The following UNC5C variants were observed in gnomAD, a reference collection of about 807,000 sequenced individuals.
UNC5C encodes netrin receptor UNC5C.
Under a neutral mutation model 99.8 loss-of-function variants are expected in UNC5C, and 47 were observed. The ratio of observed to expected loss-of-function variants is 0.47; its 90% confidence interval spans 0.37 to 0.60. UNC5C has a LOEUF of 0.60. Among genes scored for constraint, UNC5C ranks in the 20% least tolerant of loss-of-function variants. The probability of loss-of-function intolerance (pLI) is 0.00; values close to 1 mark genes in which losing one functional copy is unlikely to be tolerated. For missense variants in UNC5C, 1,062 were observed against 1,165.9 expected, an observed-to-expected ratio of 0.91 and a Z score of 1.30; for synonymous variants, 487 against 452.2, an observed-to-expected ratio of 1.08 and a Z score of -0.98.
At chr4:95,248,445 A>G (rs1350361863) in intron 5 of UNC5C, 1 of 424,768 alleles carries the variant, frequency 2.4e-6, no homozygotes, top group Non-Finnish European at 4.6e-6. Context: ...TAAGATCGAT[A>G]CAGAATTATC....
chr4:95,273,215 T>G (rs1740723171), intron 4 of UNC5C, among the ~76,000 whole-genome samples: 1 of 152,240 alleles, frequency 6.6e-6, no homozygotes, highest in African/African-American at 2.4e-5. Context: ...TTGTGCCCTG[T>G]TCCTCCAATT....
chr4:95,292,270 T>A (rs1055964818), intron 3 of UNC5C, among the ~76,000 whole-genome samples: 10 of 142,202 alleles, frequency 7.0e-5, no homozygotes, highest in East Asian at 4.0e-4. Flanking sequence ...TATATATAAA[T>A]TTTTTTTGTT....
chr4:95,382,791 T>G (rs1745108257), intron 1 of UNC5C, among the ~76,000 whole-genome samples: 1 of 152,208 alleles, frequency 6.6e-6, no homozygotes, highest in African/African-American at 2.4e-5. Flanking sequence ...AATGCTTGGC[T>G]GAATGTAAAG....
rs1460262611 is a variant in UNC5C at position 95,205,527 on chromosome 4, T to C, written c.1902+1101A>G. ...GTCTACATCTAATACTATATTTTCT[T>C]AAAATATTAGGAGCTGGAATCTTCA... On this transcript the variant is annotated intron_variant, in intron 11 of 15. Transcript: ENST00000453304. Among the ~76,000 whole-genome samples the C allele has an allele frequency of 9.2e-5, 14 of 152,154 alleles. No homozygotes were observed. The East Asian group carries it at 2.7e-3, about 29-fold the overall frequency.
intron 1 of UNC5C, among the ~76,000 whole-genome samples, chr4:95,431,732 A>G (rs192181127): frequency 1.3e-5 from 2 of 152,226 alleles, no homozygotes; most frequent in East Asian, 3.9e-4. Flanking sequence ...GACCAGAGTT[A>G]AAGTGTGTGT....
chr4:95,424,646 C>T (rs1023784364), intron 1 of UNC5C, among the ~76,000 whole-genome samples: 4 of 150,880 alleles, frequency 2.7e-5, no homozygotes, highest in South Asian at 2.1e-4. Context: ...CTCAGCCTCC[C>T]GAGTAGCTGG....
intron 4 of UNC5C, among the ~76,000 whole-genome samples, chr4:95,253,537 C>A (rs1222712498): frequency 2.0e-5 from 3 of 152,110 alleles, no homozygotes; most frequent in African/African-American, 7.2e-5. Context: ...GTTTGACGAC[C>A]CCTGTGGGGG....
intron 1 of UNC5C, among the ~76,000 whole-genome samples, chr4:95,472,261 T>G (rs2149474794): frequency 6.6e-6 from 1 of 152,300 alleles, no homozygotes; most frequent in South Asian, 2.1e-4. Context: ...ATTCTTCTCA[T>G]GAAGGAGAAG....
At position 95,452,372 on chromosome 4, in the gene UNC5C, C is replaced by T. The variant is rs79707923; in HGVS notation, c.124+96362G>A. 9.4e-3 allele frequency among the ~76,000 whole-genome samples: 1,430 copies of T among 152,178 alleles called. 21 individuals carry two copies. The highest frequency in any genetic ancestry group is 0.033 in the African/African-American group (1,375 of 41,504). ...TTTTCAGCTGCACCTCTGTCACTTCCATTATCATTCTACACGTCCAGAGGT... is the reference window on the plus strand; with the variant it reads ...TTTTCAGCTGCACCTCTGTCACTTCTATTATCATTCTACACGTCCAGAGGT... On this transcript the variant is annotated intron_variant, in intron 1 of 15. Transcript: ENST00000453304.
intron 1 of UNC5C, among the ~76,000 whole-genome samples, chr4:95,528,379 T>G (rs2149492149): frequency 6.6e-6 from 1 of 152,272 alleles, no homozygotes. Context: ...CCTCCCTTCA[T>G]ACGGCCTTCA....
In UNC5C at chr4:95,500,558, A is replaced by T. The variant is rs190087226; in HGVS notation, c.124+48176T>A. On this transcript the variant is annotated intron_variant, in intron 1 of 15. Transcript: ENST00000453304. ...ACTTTTGTTTTGGCATCGAAATAAT[A>T]AAATCAGCACCCTTGATCCAAGGTT... is the stretch of plus-strand genomic sequence containing the variant. Among the ~76,000 whole-genome samples the T allele has an allele frequency of 2.6e-5, 4 of 152,268 alleles. No individual in the cohort carries two copies. In the East Asian group the frequency reaches 7.7e-4, roughly 29 times the overall value.
intron 1 of UNC5C, among the ~76,000 whole-genome samples, chr4:95,400,392 T>G (rs1745654612): frequency 7.5e-6 from 1 of 132,690 alleles, no homozygotes; most frequent in East Asian, 2.2e-4. Flanking sequence ...TTCTTTTTTT[T>G]TTTTTTTTTT....
At chr4:95,247,047 A>T (rs1739527907) in intron 5 of UNC5C, among the ~76,000 whole-genome samples, 1 of 137,778 alleles carries the variant, frequency 7.3e-6, no homozygotes, top group Admixed American at 7.3e-5. Context: ...TCAAATAAAA[A>T]AATAAAAAAA....
intron 1 of UNC5C, among the ~76,000 whole-genome samples, chr4:95,402,377 C>T (rs1745725130): frequency 6.6e-6 from 1 of 152,190 alleles, no homozygotes; most frequent in Admixed American, 6.5e-5. Flanking sequence ...TAAGTGTGGG[C>T]TCTGTGATCA....
chr4:95,301,483 C>A, intron 3 of UNC5C, 123 bp downstream of exon 3: 1 of 1,372,624 alleles, frequency 7.3e-7, no homozygotes, highest in South Asian at 1.4e-5. Flanking sequence ...GCGTGAGTCA[C>A]CGCGCCTGGC....
Position 95,245,033 on chromosome 4 carries a change from C to A in UNC5C, c.887G>T (p.Gly296Val). 1.9e-6 allele frequency: 3 copies of A among 1,613,910 alleles called. No individual in the cohort carries two copies. Among genetic ancestry groups the A allele is most frequent in the Non-Finnish European group, 2.5e-6 (3 of 1,179,958 alleles). Residue 296 changes from glycine to valine, a missense_variant, in exon 6 of 16, where the codon GGT (glycine) becomes GTT (valine). By Grantham distance (109) the Gly-to-Val change is moderately radical. This residue lies in a region of UNC5C where 810 missense variants were observed against 854.5 expected (regional missense o/e 0.95). Transcript: ENST00000453304. ...CACACTCTGCCCTTCACAGAAGGCA[C>A]CCCCATTGAGTGGTGCCGGGTTGGT... ...TCTNPAPLNGGAFCEGQSVQK... is the reference protein window; with the variant it reads ...TCTNPAPLNGVAFCEGQSVQK...
chr4:95,256,276 C>T (rs1560755604), intron 4 of UNC5C, among the ~76,000 whole-genome samples: 1 of 152,112 alleles, frequency 6.6e-6, no homozygotes, highest in Non-Finnish European at 1.5e-5. Flanking sequence ...CTCGTATATC[C>T]AACTGTCTTC....
intron 1 of UNC5C, among the ~76,000 whole-genome samples, chr4:95,519,903 T>C (rs1722307176): frequency 6.6e-6 from 1 of 152,226 alleles, no homozygotes; most frequent in Admixed American, 6.5e-5. Flanking sequence ...ACATGCTGAC[T>C]TCATAATGAA....
Position 95,219,121 on chromosome 4 carries a change from G to A in UNC5C, c.1493C>T (p.Thr498Met), listed in dbSNP as rs771250502. The change falls in exon 9 of 16, where the codon ACG (threonine) becomes ATG (methionine). Residue 498 changes from threonine (T) to methionine (M), a missense_variant. Physicochemically the swap from Thr to Met is moderately conservative, Grantham distance 81. This residue lies in a region of UNC5C where 810 missense variants were observed against 854.5 expected (regional missense o/e 0.95). Coordinates refer to ENST00000453304, the MANE Select transcript of UNC5C (RefSeq NM_003728.4). ...GGTCATCTGAGGGGACAGCTTGGACGTAAACTCAGAGAGGTCATCTTGGGG... is the reference window on the plus strand; with the variant it reads ...GGTCATCTGAGGGGACAGCTTGGACATAAACTCAGAGAGGTCATCTTGGGG... ...VTPQDDLSEFTSKLSPQMTQS... is the reference protein window; with the variant it reads ...VTPQDDLSEFMSKLSPQMTQS... The A allele has an allele frequency of 2.7e-5, 43 of 1,613,978 alleles. No individual in the cohort carries two copies. The highest frequency in any genetic ancestry group is 7.7e-5 in the South Asian group (7 of 91,090).
Sources: gnomAD v4.1 joint callset for allele counts (sites outside exome capture counted in the v4.1 genomes callset) on GRCh38, gnomAD v4.1.1 for gene constraint, gnomAD v4.1.1 regional missense constraint, MANE v1.5 for transcripts, NCBI Gene and HGNC (gene_info 2026-07-23, HGNC 2026-07-21) for gene names.